The following ADGRL2 variants were observed in gnomAD, a reference collection of about 807,000 sequenced individuals.
ADGRL2 encodes the protein calcium-independent alpha-latrotoxin receptor 2.
Under a neutral mutation model 157.4 loss-of-function variants are expected in ADGRL2, and 44 were observed. The observed-to-expected ratio is 0.28, with a 90% CI of 0.22 to 0.36. The LOEUF (loss-of-function observed/expected upper bound fraction) is 0.36. Among genes scored for constraint, ADGRL2 ranks in the 10% least tolerant of loss-of-function variants. The pLI is 1.00. For missense variants in ADGRL2, 1,510 were observed against 1,768.9 expected (o/e 0.85, Z 2.63); for synonymous variants, 585 against 624.7 (o/e 0.94, Z 0.95).
chr1:81,835,441 C>T (rs1197516559), intron 1 of ADGRL2, among the ~76,000 whole-genome samples: 1 of 152,122 alleles, frequency 6.6e-6, no homozygotes, highest in Non-Finnish European at 1.5e-5. Context: ...AGGTTTAAGG[C>T]AGGCACATTG....
chr1:81,376,457 A>G (rs1047158703), intron 1 of ADGRL2, among the ~76,000 whole-genome samples: 1 of 152,152 alleles, frequency 6.6e-6, no homozygotes, highest in Non-Finnish European at 1.5e-5. Flanking sequence ...AATTCCACAC[A>G]ATGGTGATAT....
intron 1 of ADGRL2, among the ~76,000 whole-genome samples, chr1:81,335,758 T>C (rs1331196039): frequency 1.3e-5 from 2 of 152,026 alleles, no homozygotes; most frequent in Non-Finnish European, 2.9e-5. Context: ...CATCCCTTCC[T>C]TTAGTTATTC....
chr1:81,726,161 C>T (rs1557599678), intron 1 of ADGRL2, among the ~76,000 whole-genome samples: 1 of 152,186 alleles, frequency 6.6e-6, no homozygotes, highest in African/African-American at 2.4e-5. Flanking sequence ...CTTGGGGAAA[C>T]TGCAGCAGCT....
intron 1 of ADGRL2, among the ~76,000 whole-genome samples, chr1:81,322,033 T>C (rs1660536722): frequency 6.7e-6 from 1 of 149,026 alleles, no homozygotes; most frequent in East Asian, 1.9e-4. Context: ...TCTTTATATA[T>C]TTTTTGCCAT....
chr1:81,973,905 G>A (rs1033545415), intron 17 of ADGRL2, among the ~76,000 whole-genome samples: 1 of 151,452 alleles, frequency 6.6e-6, no homozygotes, highest in African/African-American at 2.4e-5. Context: ...CTTAAATTGA[G>A]ATATGATATG....
chr1:81,975,767 T>C (rs2149383047), intron 17 of ADGRL2, among the ~76,000 whole-genome samples: 1 of 152,138 alleles, frequency 6.6e-6, no homozygotes, highest in Non-Finnish European at 1.5e-5. Context: ...GAAACCTACC[T>C]TTTTTGTCTT....
intron 2 of ADGRL2, among the ~76,000 whole-genome samples, chr1:81,532,140 C>A (rs559813736): frequency 2.0e-5 from 3 of 152,228 alleles, no homozygotes; most frequent in South Asian, 2.1e-4. Context: ...GAATAACTAC[C>A]CTTCAGCGTT....
chr1:81,688,363 A>G (rs184517239), intron 3 of ADGRL2, among the ~76,000 whole-genome samples: 2 of 151,858 alleles, frequency 1.3e-5, no homozygotes, highest in Admixed American at 1.3e-4. Context: ...CTTTGTTCAT[A>G]TTTTCTTATT....
chr1:81,729,084 AATTATTATATAATATTTATTAT>A (rs1333009213), intron 1 of ADGRL2, among the ~76,000 whole-genome samples: 3 of 150,476 alleles, frequency 2.0e-5, no homozygotes, highest in Non-Finnish European at 4.4e-5. Flanking sequence ...ATATAGGAAG[AATTATTATATAATATTTATTAT>A]ATTATTATAT....
chr1:81,511,515 A>G (rs910017134), intron 2 of ADGRL2, among the ~76,000 whole-genome samples: 2 of 152,174 alleles, frequency 1.3e-5, no homozygotes, highest in South Asian at 2.1e-4. Flanking sequence ...CTTCTTTAAC[A>G]TATCAGTTCT....
intron 21 of ADGRL2, among the ~76,000 whole-genome samples, chr1:81,985,682 A>G (rs1662943234): frequency 6.6e-6 from 1 of 151,974 alleles, no homozygotes; most frequent in Non-Finnish European, 1.5e-5. Context: ...AAATGCTAAA[A>G]ACATGTGTAG....
In ADGRL2 at chr1:81,953,889, T is replaced by G. The variant is rs559117064; in HGVS notation, c.1833+864T>G. ...AAACAAAAGAACTTTTGTAGTTTCT[T>G]AGACTAGAGAGTATTAAAAAGGCAT... is the stretch of plus-strand genomic sequence containing the variant. On this transcript the variant is annotated intron_variant, in intron 10 of 23. Transcript: ENST00000686636. 4.6e-5 allele frequency among the ~76,000 whole-genome samples: 7 copies of G among 152,286 alleles called. No individual in the cohort carries two copies. In the South Asian group the frequency reaches 1.4e-3, roughly 32 times the overall value.
At chr1:81,591,528 CTGTG>C (rs1264670740) in intron 3 of ADGRL2, among the ~76,000 whole-genome samples, 2 of 152,162 alleles carry the variant, frequency 1.3e-5, no homozygotes, top group African/African-American at 4.8e-5. Context: ...AGAACTGAGT[CTGTG>C]TATTAAGCAG....
intron 3 of ADGRL2, among the ~76,000 whole-genome samples, chr1:81,675,908 C>T (rs574871917): frequency 3.8e-4 from 58 of 152,128 alleles, no homozygotes; most frequent in Admixed American, 5.9e-4. Context: ...AATGATTTCA[C>T]GCAAAATGAA....
At chr1:81,317,159 C>A (rs998997796) in intron 1 of ADGRL2, among the ~76,000 whole-genome samples, 1 of 151,924 alleles carries the variant, frequency 6.6e-6, no homozygotes, top group Admixed American at 6.6e-5. Flanking sequence ...ACATATGCTG[C>A]CAAACATTCT....
At chr1:81,554,480 C>CT (rs397964484) in intron 2 of ADGRL2, among the ~76,000 whole-genome samples, 7,495 of 146,082 alleles carry the variant, frequency 0.051, 387 homozygotes, top group East Asian at 0.22. Context: ...ATTACTTTCT[C>CT]TTTTTTTTTT....
chr1:81,845,760 ATTTACACTG>A, intron 2 of ADGRL2, among the ~76,000 whole-genome samples: 1 of 151,190 alleles, frequency 6.6e-6, no homozygotes, highest in Non-Finnish European at 1.5e-5. Flanking sequence ...TTTTAGTTTA[ATTTACACTG>A]TTTAAAATTT....
At chr1:81,445,308 G>A (rs987327129) in intron 2 of ADGRL2, among the ~76,000 whole-genome samples, 7 of 152,166 alleles carry the variant, frequency 4.6e-5, no homozygotes, top group Admixed American at 6.5e-5. Context: ...CAGGTTATTC[G>A]TTGTATGTTG....
At chr1:81,357,013 T>G (rs1219559547) in intron 1 of ADGRL2, among the ~76,000 whole-genome samples, 1 of 148,478 alleles carries the variant, frequency 6.7e-6, no homozygotes, top group East Asian at 2.0e-4. Flanking sequence ...AATCACACAT[T>G]TCCCTTTATC....
Sources: gnomAD v4.1 joint callset for allele counts (sites outside exome capture counted in the v4.1 genomes callset) on GRCh38, gnomAD v4.1.1 for gene constraint, MANE v1.5 for transcripts, NCBI Gene and HGNC (gene_info 2026-07-23, HGNC 2026-07-21) for gene names.